The following ACER2 variants were observed in gnomAD, a reference collection of about 807,000 sequenced individuals.
ACER2 encodes alkaline ceramidase 2, also known as alkCDase 2.
Under a neutral mutation model 34.7 loss-of-function variants are expected in ACER2, and 26 were observed. The ratio of observed to expected loss-of-function variants is 0.75; its 90% CI spans 0.55 to 1.04. The LOEUF is 1.04. Ranked by LOEUF, ACER2 falls within the 50% of genes least tolerant of loss-of-function variation. The probability of loss-of-function intolerance (pLI) is 0.00; values close to 1 mark genes in which losing one functional copy is unlikely to be tolerated. For missense variants in ACER2, 352 were observed against 340.8 expected (o/e 1.03, Z -0.26); for synonymous variants, 138 against 132.1 (o/e 1.04, Z -0.31).
chr9:19,431,055 A>G (rs955483981), intron 3 of ACER2, among the ~76,000 whole-genome samples: 3 of 152,178 alleles, frequency 2.0e-5, no homozygotes, highest in African/African-American at 4.8e-5. Context: ...ACCATTTGGC[A>G]GTACTCTGTG....
intron 1 of ACER2, 79 bp downstream of exon 1, chr9:19,409,271 A>G: frequency 7.1e-7 from 1 of 1,402,454 alleles, no homozygotes; most frequent in Non-Finnish European, 9.8e-7. Context: ...TGGAAGCTGG[A>G]CGTGGGTCTC....
chr9:19,450,480 G>C lies in ACER2; in HGVS notation c.672G>C (p.Leu224=), dbSNP rs1831528810. The change falls in exon 6 of 6, where the codon CTG becomes CTC. Residue 224 remains leucine, a synonymous_variant. Coordinates refer to ENST00000340967, the MANE Select transcript of ACER2 (RefSeq NM_001010887.3). ...TCCTCATCTGCCTTGCTGCCTACCT[G>C]GGCTGTGTATGCTTTGCCTACTTTG... ...WHILICLAAY[L]GCVCFAYFDA... is the part of the protein sequence containing the mutation. 6.2e-7 allele frequency: 1 copy of C among 1,608,336 alleles called. No homozygotes were observed. Among genetic ancestry groups the C allele is most frequent in the East Asian group, 2.2e-5 (1 of 44,726 alleles).
chr9:19,415,494 C>G (rs1352499399), intron 1 of ACER2, among the ~76,000 whole-genome samples: 1 of 148,972 alleles, frequency 6.7e-6, no homozygotes, highest in Non-Finnish European at 1.5e-5. Context: ...GACTCCATCT[C>G]AATAAATAAA....
chr9:19,447,629 G>T (rs1053800897), intron 5 of ACER2, among the ~76,000 whole-genome samples: 4 of 152,034 alleles, frequency 2.6e-5, no homozygotes, highest in Non-Finnish European at 4.4e-5. Flanking sequence ...GTATACACTA[G>T]GTAAATATGA....
At chr9:19,428,675 A>G (rs1830656723) in intron 3 of ACER2, among the ~76,000 whole-genome samples, 1 of 152,006 alleles carries the variant, frequency 6.6e-6, no homozygotes, top group South Asian at 2.1e-4. Context: ...GGGATCAGAA[A>G]TACATGGGAA....
At chr9:19,446,726 T>G in intron 5 of ACER2, 1 of 761,002 alleles carries the variant, frequency 1.3e-6, no homozygotes, top group Non-Finnish European at 1.6e-6. Context: ...ACCTGAGCTC[T>G]AGCTAGGTGT....
At chr9:19,415,982 G>T (rs539373888) in intron 1 of ACER2, among the ~76,000 whole-genome samples, 1 of 151,952 alleles carries the variant, frequency 6.6e-6, no homozygotes, top group South Asian at 2.1e-4. Flanking sequence ...TGACATATAC[G>T]TACCTATTCA....
intron 4 of ACER2, among the ~76,000 whole-genome samples, chr9:19,436,272 A>C (rs77891135): frequency 6.6e-6 from 1 of 152,048 alleles, no homozygotes; most frequent in South Asian, 2.1e-4. Flanking sequence ...CTTTAGTCTG[A>C]AATGTTCATT....
At chr9:19,425,199 C>T (rs1321773547) in intron 3 of ACER2, among the ~76,000 whole-genome samples, 1 of 152,224 alleles carries the variant, frequency 6.6e-6, no homozygotes, top group African/African-American at 2.4e-5. Context: ...TGAGACTAAT[C>T]CAACTCCACC....
In ACER2 at chr9:19,424,763, C is replaced by T. The variant is rs1188082829; in HGVS notation, c.287C>T (p.Ala96Val). 1 of 1,614,166 alleles carries T rather than the reference C, an allele frequency of 6.2e-7. No individual in the cohort carries two copies. Among genetic ancestry groups the T allele is most frequent in the South Asian group, 1.1e-5 (1 of 91,086 alleles). The part of the protein sequence containing the change: ...SFLGQMLDEL[A>V]VLWVLMCALA... Reference sequence around the variant, plus strand: ...TTGGGTCAGATGCTTGATGAACTTGCAGTCCTTTGGGTTCTGATGTGTGCT... The same window carrying T: ...TTGGGTCAGATGCTTGATGAACTTGTAGTCCTTTGGGTTCTGATGTGTGCT... Residue 96 changes from alanine (A) to valine (V), a missense_variant, in exon 3 of 6, where the codon GCA (alanine) becomes GTA (valine). Transcript: ENST00000340967.
chr9:19,445,253 C>G (rs955415242), intron 4 of ACER2, among the ~76,000 whole-genome samples: 1 of 152,224 alleles, frequency 6.6e-6, no homozygotes, highest in South Asian at 2.1e-4. Context: ...GAGCTGTTAG[C>G]ATTTTTTTCA....
At chr9:19,416,809 A>G (rs1180313852) in intron 1 of ACER2, among the ~76,000 whole-genome samples, 1 of 152,144 alleles carries the variant, frequency 6.6e-6, no homozygotes, top group East Asian at 1.9e-4. Flanking sequence ...CTGGGATTAC[A>G]GGCGTGAGCC....
At chr9:19,434,320 C>A (rs901867184) in intron 3 of ACER2, among the ~76,000 whole-genome samples, 4 of 151,652 alleles carry the variant, frequency 2.6e-5, no homozygotes, top group African/African-American at 9.7e-5. Flanking sequence ...CTCCTCACAT[C>A]CCAGACGATG....
Position 19,450,561 on chromosome 9 carries a change from G to C in ACER2, c.753G>C (p.Glu251Asp), listed in dbSNP as rs992232032. The C allele has an allele frequency of 2.5e-6, 4 of 1,609,940 alleles. No homozygotes were observed. In the African/African-American group the frequency reaches 4.0e-5, roughly 16 times the overall value. The change falls in exon 6 of 6, where the codon GAG becomes GAC. Residue 251 changes from glutamate to aspartate, a missense_variant. By Grantham distance (45) the Glu-to-Asp change is conservative (BLOSUM62 2). Transcript: ENST00000340967. Reference protein sequence around the residue: ...QGPVIKFWPNEKWAFIGVPYV... With the variant: ...QGPVIKFWPNDKWAFIGVPYV... Reference sequence around the variant, plus strand: ...CTGTCATCAAGTTCTGGCCCAATGAGAAATGGGCCTTCATTGGTGTCCCCT... The same window carrying C: ...CTGTCATCAAGTTCTGGCCCAATGACAAATGGGCCTTCATTGGTGTCCCCT...
chr9:19,438,745 T>C (rs568559772), intron 4 of ACER2, among the ~76,000 whole-genome samples: 3 of 152,358 alleles, frequency 2.0e-5, no homozygotes, highest in Admixed American at 6.5e-5. Context: ...TAGCTTATAA[T>C]TTTGTTATAA....
rs764296462 is a variant in ACER2 at position 19,434,995 on chromosome 9, C to G, written c.414C>G (p.Cys138Trp). The G allele has an allele frequency of 1.2e-6, 2 of 1,614,110 alleles. No individual in the cohort carries two copies. The highest frequency in any genetic ancestry group is 1.7e-5 in the Admixed American group (1 of 60,020). ...GTGTCCTGTCTGCGGTTACGACGTG[C>G]CTGGCATTTGTCAAGCCTGCCATCA... The part of the protein sequence containing the change: ...VVSVLSAVTT[C>W]LAFVKPAINN... The change falls in exon 4 of 6, where the codon TGC becomes TGG. Residue 138 changes from cysteine (C) to tryptophan (W), a missense_variant. Physicochemically the swap from Cys to Trp is radical, Grantham distance 215. Coordinates refer to ENST00000340967, the MANE Select transcript of ACER2 (RefSeq NM_001010887.3).
At chr9:19,424,399 T>C (rs1830498175) in intron 2 of ACER2, 1 of 985,416 alleles carries the variant, frequency 1.0e-6, no homozygotes, top group African/African-American at 1.7e-5. Flanking sequence ...AGTGAAGGAA[T>C]GTTGACTTTT....
At chr9:19,413,484 C>A (rs1173615716) in intron 1 of ACER2, among the ~76,000 whole-genome samples, 1 of 151,854 alleles carries the variant, frequency 6.6e-6, no homozygotes, top group Non-Finnish European at 1.5e-5. Context: ...CCTGTAGTCC[C>A]AGCTACTAGG....
rs61026480 is a variant in ACER2, at chr9:19,418,910, GGTGCGGTGGCCT to G, written c.109-4947_109-4936del. ...ATGAATAAAAGCCTACTGCTGGCCG[GGTGCGGTGGCCT>G]GTGCCTGTAATCCCAGCACTTTGGG... On this transcript the variant is annotated intron_variant, in intron 1 of 5. Transcript: ENST00000340967. Among the ~76,000 whole-genome samples, 1,493 of 152,312 alleles carry G rather than the reference GGTGCGGTGGCCT, an allele frequency of 9.8e-3. 25 individuals carry two copies. Among genetic ancestry groups the G allele is most frequent in the African/African-American group, 0.034 (1,406 of 41,550 alleles).
Sources: allele counts gnomAD v4.1 joint callset (sites outside exome capture counted in the v4.1 genomes callset), GRCh38; gene constraint gnomAD v4.1.1; transcripts MANE v1.5; gene names NCBI Gene and HGNC (gene_info 2026-07-23, HGNC 2026-07-21).